Variants in CCDC77 observed in about 807,000 individuals in gnomAD.
CCDC77 encodes coiled-coil domain-containing protein 77.
CCDC77 carries 56 observed loss-of-function variants against 66.8 expected under a neutral mutation model. The ratio of observed to expected loss-of-function variants is 0.84; its 90% CI spans 0.68 to 1.05. The LOEUF is 1.05. Ranked by LOEUF, CCDC77 falls within the 50% of genes least tolerant of loss-of-function variation. The pLI, the probability that CCDC77 is intolerant of heterozygous loss-of-function variation, is 0.00. For synonymous variants in CCDC77, 196 were observed against 195.2 expected, an observed-to-expected ratio of 1.00 and a Z score of -0.03; for missense variants, 570 against 576.8, an observed-to-expected ratio of 0.99 and a Z score of 0.12.
intron 12 of CCDC77, 57 bp downstream of exon 12, chr12:441,053 T>C: frequency 6.4e-7 from 1 of 1,562,592 alleles, no homozygotes; most frequent in Non-Finnish European, 8.7e-7. Flanking sequence ...TGAGGGAACA[T>C]GGTCACGAGG....
chr12:407,692 G>GTT, intron 2 of CCDC77, among the ~76,000 whole-genome samples: 1 of 151,982 alleles, frequency 6.6e-6, no homozygotes, highest in South Asian at 2.1e-4. Flanking sequence ...GCACTGTGGG[G>GTT]TTCTGAGCAG....
intron 5 of CCDC77, among the ~76,000 whole-genome samples, chr12:423,479 G>GTTGTTTTTTT (rs1945463483): frequency 9.4e-5 from 2 of 21,232 alleles, no homozygotes; most frequent in African/African-American, 3.2e-4. Flanking sequence ...TGTTTTTTGT[G>GTTGTTTTTTT]TTTTTTTTTG....
chr12:438,610 T>C, intron 10 of CCDC77, 56 bp downstream of exon 10: 14 of 1,241,232 alleles, frequency 1.1e-5, no homozygotes, highest in East Asian at 2.3e-5. Flanking sequence ...GTTGAAGGAA[T>C]TCCAAAGAAC....
Position 433,253 on chromosome 12 carries a change from G to T in CCDC77, c.752G>T (p.Arg251Leu), listed in dbSNP as rs559418478. 3.7e-6 allele frequency: 6 copies of T among 1,613,814 alleles called. No homozygotes were observed. The Admixed American group carries it at 5.0e-5, about 13-fold the overall frequency. Residue 251 changes from arginine to leucine, a missense_variant, in exon 9 of 13, where the codon CGG (arginine) becomes CTG (leucine). Arg to Leu is a moderately radical substitution (Grantham distance 102). Transcript: ENST00000239830. ...ATTGAAGGGCTCATCGAGGACAGAC[G>T]GATTCACCTTGAGGAAATACAAGTT... Reference protein sequence around the residue: ...EQIEGLIEDRRIHLEEIQVQH... With the variant: ...EQIEGLIEDRLIHLEEIQVQH...
intron 4 of CCDC77, among the ~76,000 whole-genome samples, chr12:416,324 TGAGTCTGTGG>T: frequency 1.0e-5 from 1 of 97,838 alleles, no homozygotes; most frequent in Non-Finnish European, 2.1e-5. Flanking sequence ...TGTGTGTGTG[TGAGTCTGTGG>T]GTGTGTGGGG....
intron 9 of CCDC77, among the ~76,000 whole-genome samples, chr12:434,285 C>A (rs1041958986): frequency 6.6e-6 from 1 of 152,096 alleles, no homozygotes; most frequent in Non-Finnish European, 1.5e-5. Flanking sequence ...TGACTTCATC[C>A]CCACCATTTT....
chr12:401,577 ACTT>A (rs1017661185), upstream of CCDC77: 3 of 152,202 alleles, frequency 2.0e-5, no homozygotes, highest in South Asian at 2.1e-4. Context: ...GGCCATGTAA[ACTT>A]CTTCGCGATT....
chr12:411,958 A>G lies in CCDC77; in HGVS notation c.250A>G (p.Lys84Glu). 2 of 1,613,680 alleles carry G rather than the reference A, an allele frequency of 1.2e-6. No homozygotes were observed. Among genetic ancestry groups the G allele is most frequent in the Non-Finnish European group, 1.7e-6 (2 of 1,179,818 alleles). Residue 84 changes from lysine (K) to glutamate (E), a missense_variant, in exon 4 of 13, where the codon AAA (lysine) becomes GAA (glutamate). Lys to Glu is a moderately conservative substitution (Grantham distance 56). Coordinates refer to ENST00000239830, the MANE Select transcript of CCDC77 (RefSeq NM_032358.4). ...CTTGCTGAAGAAACTGGAACTCTAC[A>G]AAGAAGCTTGTGAAGGACAGGTAAA... Reference protein sequence around the residue: ...EDLLKKLELYKEACEGQHKLE... With the variant: ...EDLLKKLELYEEACEGQHKLE...
In CCDC77 at chr12:442,286, A is replaced by T. The variant is rs970866922; in HGVS notation, c.*366A>T. On this transcript the variant is annotated 3_prime_UTR_variant, in exon 13 of 13. Transcript: ENST00000239830. The stretch of plus-strand genomic sequence containing the variant: ...GCTTGGCTGAGTGTCCATGGGAAGA[A>T]TACTTTCCCTAAAGAGAGAGAAGCA... 6 of 169,586 alleles carry T rather than the reference A, an allele frequency of 3.5e-5. No individual in the cohort carries two copies. The highest frequency in any genetic ancestry group is 6.4e-5 in the Non-Finnish European group (5 of 78,572). 10.5% of individuals were successfully genotyped at this position (169,586 alleles called of 1,614,324 possible). A position where few individuals can be genotyped will look rare whatever the true frequency, so the allele number is the denominator to read the frequency against.
chr12:395,871 G>T (rs1279373219), intron 1 of CCDC77, among the ~76,000 whole-genome samples: 1 of 152,012 alleles, frequency 6.6e-6, no homozygotes, highest in African/African-American at 2.4e-5. Context: ...TCCAGCCTGG[G>T]CGACAGAGTG....
chr12:407,687 G>A (rs1434104637), intron 2 of CCDC77, among the ~76,000 whole-genome samples: 1 of 152,002 alleles, frequency 6.6e-6, no homozygotes, highest in African/African-American at 2.4e-5. Context: ...GAGAGGCACT[G>A]TGGGGTTCTG....
At chr12:430,151 G>A (rs1467839688) in intron 6 of CCDC77, among the ~76,000 whole-genome samples, 6 of 150,874 alleles carry the variant, frequency 4.0e-5, no homozygotes, top group African/African-American at 1.5e-4. Flanking sequence ...GTGCCACCAC[G>A]CCTGGCTAAT....
chr12:400,602 A>AG, upstream of CCDC77, among the ~76,000 whole-genome samples: 1 of 152,228 alleles, frequency 6.6e-6, no homozygotes, highest in Non-Finnish European at 1.5e-5. Context: ...GGAGAAAGGC[A>AG]GGGAGACTGC....
intron 4 of CCDC77, among the ~76,000 whole-genome samples, chr12:416,711 C>CA (rs1945292330): frequency 6.6e-6 from 1 of 151,470 alleles, no homozygotes; most frequent in South Asian, 2.1e-4. Flanking sequence ...ATCTCTAGAA[C>CA]GTTTTCATTT....
At chr12:399,202 A>G (rs551480687), upstream of CCDC77, among the ~76,000 whole-genome samples, 1 of 149,504 alleles carries the variant, frequency 6.7e-6, no homozygotes, top group South Asian at 2.1e-4. Context: ...GCGGAGTTTC[A>G]CTCTTGTTGC....
chr12:392,728 G>C (rs1044362169), intron 1 of CCDC77, among the ~76,000 whole-genome samples: 4 of 150,306 alleles, frequency 2.7e-5, no homozygotes, highest in African/African-American at 9.9e-5. Context: ...CTGGGCAACA[G>C]AGTAAGACTC....
chr12:431,797 A>G (rs1282315292), intron 7 of CCDC77, 69 bp from the exon 8 acceptor site: 29 of 981,382 alleles, frequency 3.0e-5, no homozygotes, highest in Non-Finnish European at 4.2e-5. Flanking sequence ...CGTGGGAAAT[A>G]CTGATATTTC....
upstream of CCDC77, among the ~76,000 whole-genome samples, chr12:400,136 G>T (rs1362944873): frequency 6.6e-6 from 1 of 152,196 alleles, no homozygotes; most frequent in East Asian, 1.9e-4. Flanking sequence ...TCACGAACCA[G>T]CCTCCGCTAT....
At chr12:431,095 C>A in intron 7 of CCDC77, among the ~76,000 whole-genome samples, 1 of 145,278 alleles carries the variant, frequency 6.9e-6, no homozygotes, top group Admixed American at 6.9e-5. Flanking sequence ...ACAGAACACA[C>A]AATTGGAAAT....
Sources: allele counts gnomAD v4.1 joint callset (sites outside exome capture counted in the v4.1 genomes callset), GRCh38; gene constraint gnomAD v4.1.1; transcripts MANE v1.5; gene names NCBI Gene and HGNC (gene_info 2026-07-23, HGNC 2026-07-21).